Variants in SHISA9 observed in about 807,000 individuals in gnomAD.
The protein encoded by SHISA9 is shisa family member 9, also known as protein shisa-9.
A neutral mutation model predicts 38.0 loss-of-function variants in SHISA9; 13 were observed. The observed-to-expected ratio is 0.34, with a 90% CI of 0.22 to 0.54. SHISA9 has a LOEUF of 0.54. SHISA9 is among the 20% of genes least tolerant of loss of function. The pLI, the probability that SHISA9 is intolerant of heterozygous loss-of-function variation, is 0.91. For synonymous variants in SHISA9, 275 were observed against 242.0 expected, an observed-to-expected ratio of 1.14 and a Z score of -1.27; for missense variants, 538 against 575.8, an observed-to-expected ratio of 0.93 and a Z score of 0.67.
intron 2 of SHISA9, among the ~76,000 whole-genome samples, chr16:12,967,030 C>A (rs957942197): frequency 6.6e-6 from 1 of 152,218 alleles, no homozygotes; most frequent in East Asian, 1.9e-4. Context: ...ACTAGGAATA[C>A]CATTTGACCC....
the SHISA9 span, among the ~76,000 whole-genome samples, chr16:13,357,168 A>G: frequency 6.7e-6 from 1 of 148,646 alleles, no homozygotes; most frequent in Non-Finnish European, 1.5e-5. Context: ...CAGAGATAAG[A>G]GGCTGGGGTG....
chr16:13,160,922 T>A (rs1365126099), intron 2 of SHISA9, among the ~76,000 whole-genome samples: 3 of 152,220 alleles, frequency 2.0e-5, no homozygotes, highest in African/African-American at 7.2e-5. Context: ...AGGAAACAAG[T>A]AAATTCTTAG....
intron 1 of SHISA9, chr16:12,903,037 C>T (rs1008562156): frequency 1.1e-5 from 2 of 180,746 alleles, no homozygotes; most frequent in African/African-American, 4.7e-5. Context: ...GCAGGCGAGC[C>T]CGAAAGGGGA....
chr16:13,037,646 T>C (rs1315587725), intron 2 of SHISA9, among the ~76,000 whole-genome samples: 1 of 152,174 alleles, frequency 6.6e-6, no homozygotes, highest in Non-Finnish European at 1.5e-5. Flanking sequence ...ACTCACACTG[T>C]TATCACCATG....
chr16:13,065,171 C>T (rs886597670), intron 2 of SHISA9, among the ~76,000 whole-genome samples: 2 of 152,172 alleles, frequency 1.3e-5, no homozygotes, highest in Non-Finnish European at 2.9e-5. Context: ...CACTCCTCCA[C>T]GTTCATCTTC....
At position 13,137,804 on chromosome 16, in the gene SHISA9, A is replaced by G. The variant is rs150786465; in HGVS notation, c.692-65590A>G. Reference sequence around the variant, plus strand: ...CCCTGCCTCATTTCTTTGATCATGCATGCTGCATCTAACTATTCCTGGGCC... The same window carrying G: ...CCCTGCCTCATTTCTTTGATCATGCGTGCTGCATCTAACTATTCCTGGGCC... On this transcript the variant is annotated intron_variant, in intron 2 of 4. Coordinates refer to ENST00000558583, the MANE Select transcript of SHISA9 (RefSeq NM_001145204.3). 9.5e-3 allele frequency among the ~76,000 whole-genome samples: 1,442 copies of G among 152,212 alleles called. 11 individuals are homozygous for G. Among genetic ancestry groups the G allele is most frequent in the Non-Finnish European group, 0.012 (817 of 68,004 alleles).
chr16:13,018,138 C>T (rs77221366), intron 2 of SHISA9, among the ~76,000 whole-genome samples: 4,365 of 152,306 alleles, frequency 0.029, 96 homozygotes, highest in Middle Eastern at 0.048. Flanking sequence ...ACCAGGTCAG[C>T]TGTTCTTCTC....
the SHISA9 span, among the ~76,000 whole-genome samples, chr16:13,444,967 C>A: frequency 7.1e-6 from 1 of 140,714 alleles, no homozygotes; most frequent in Non-Finnish European, 1.5e-5. Flanking sequence ...CATGGGCACA[C>A]ACCACCATGC....
chr16:13,290,829 A>C, the SHISA9 span, among the ~76,000 whole-genome samples: 102 of 152,276 alleles, frequency 6.7e-4, no homozygotes, highest in African/African-American at 2.4e-3. Flanking sequence ...CATCACACAG[A>C]TGAAGGAATG....
At chr16:13,312,906 GA>G in the SHISA9 span, among the ~76,000 whole-genome samples, 2 of 152,150 alleles carry the variant, frequency 1.3e-5, no homozygotes, top group African/African-American at 4.8e-5. Context: ...ATAGCTAACA[GA>G]AGTTGAGAAG....
chr16:13,117,083 C>G (rs540374814), intron 2 of SHISA9, among the ~76,000 whole-genome samples: 46 of 152,290 alleles, frequency 3.0e-4, no homozygotes, highest in Admixed American at 1.0e-3. Context: ...AGCAATTCTC[C>G]TACCTCAGCC....
intron 2 of SHISA9, among the ~76,000 whole-genome samples, chr16:13,162,333 G>A (rs2050602245): frequency 6.6e-6 from 1 of 151,998 alleles, no homozygotes; most frequent in Admixed American, 6.6e-5. Flanking sequence ...TGGGAAACAG[G>A]GAAGGGAGGC....
intron 1 of SHISA9, among the ~76,000 whole-genome samples, chr16:12,904,251 A>G (rs1249141905): frequency 4.6e-5 from 7 of 152,160 alleles, no homozygotes; most frequent in Non-Finnish European, 1.0e-4. Flanking sequence ...TGGTAGGGAA[A>G]GATTGACTCC....
At chr16:13,252,052 C>A in the SHISA9 span, among the ~76,000 whole-genome samples, 2 of 152,298 alleles carry the variant, frequency 1.3e-5, no homozygotes, top group South Asian at 4.1e-4. Context: ...CAGATCACAA[C>A]GTTCTTTCTT....
At chr16:13,266,624 A>T in the SHISA9 span, among the ~76,000 whole-genome samples, 1 of 152,174 alleles carries the variant, frequency 6.6e-6, no homozygotes, top group African/African-American at 2.4e-5. Flanking sequence ...GGCATTGTAA[A>T]CGAAGAAGAA....
the SHISA9 span, among the ~76,000 whole-genome samples, chr16:13,547,922 G>C: frequency 2.6e-5 from 4 of 152,050 alleles, no homozygotes; most frequent in Non-Finnish European, 5.9e-5. Flanking sequence ...ATTTTGAGCT[G>C]AAAGGACAAA....
the SHISA9 span, among the ~76,000 whole-genome samples, chr16:13,530,761 C>A: frequency 6.6e-6 from 1 of 152,080 alleles, no homozygotes; most frequent in African/African-American, 2.4e-5. Flanking sequence ...TCGGCAGATG[C>A]TTGCGGGAGG....
chr16:13,108,121 C>G lies in SHISA9; in HGVS notation c.692-95273C>G, dbSNP rs1410489894. On this transcript the variant is annotated intron_variant, in intron 2 of 4. Transcript: ENST00000558583. ...TGTTAAGTAGGATATCCAAAGAGAGCCCCCCTCCGGCCCCACCCTGCTTTT... is the reference window on the plus strand; with the variant it reads ...TGTTAAGTAGGATATCCAAAGAGAGGCCCCCTCCGGCCCCACCCTGCTTTT... 1.4e-5 allele frequency among the ~76,000 whole-genome samples: 2 copies of G among 147,304 alleles called. 1 individual carries two copies. The highest frequency in any genetic ancestry group is 1.3e-4 in the Admixed American group (2 of 14,844).
intron 2 of SHISA9, among the ~76,000 whole-genome samples, chr16:13,020,622 A>G (rs1199547993): frequency 3.3e-5 from 5 of 152,328 alleles, no homozygotes; most frequent in South Asian, 2.1e-4. Flanking sequence ...AGGCTTCAGC[A>G]TATGAATTTA....
Sources: gnomAD v4.1 joint callset for allele counts (sites outside exome capture counted in the v4.1 genomes callset) on GRCh38, gnomAD v4.1.1 for gene constraint, MANE v1.5 for transcripts, NCBI Gene and HGNC (gene_info 2026-07-23, HGNC 2026-07-21) for gene names.